Variants in GABRG3 observed in about 807,000 individuals in gnomAD.
GABRG3 encodes gamma-aminobutyric acid receptor subunit gamma-3.
A neutral mutation model predicts 48.8 loss-of-function variants in GABRG3; 25 were observed. The ratio of observed to expected loss-of-function variants is 0.51; its 90% CI spans 0.37 to 0.72. GABRG3 has a LOEUF of 0.72. Ranked by LOEUF, GABRG3 falls within the 30% of genes least tolerant of loss-of-function variation. GABRG3 has a pLI of 0.00. For missense variants in GABRG3, 394 were observed against 577.9 expected (o/e 0.68, Z 3.26); for synonymous variants, 227 against 217.6 (o/e 1.04, Z -0.38).
chr15:27,271,511 C>T (rs1891087522), intron 3 of GABRG3: 1 of 454,986 alleles, frequency 2.2e-6, no homozygotes, highest in African/African-American at 2.0e-5. Context: ...CCCCGGAGCC[C>T]CCAGGCCACG....
chr15:27,244,496 C>T (rs1323741486), intron 3 of GABRG3, among the ~76,000 whole-genome samples: 1 of 152,234 alleles, frequency 6.6e-6, no homozygotes. Context: ...TGGCTTCAAC[C>T]TAGATAGGTC....
chr15:27,050,884 A>C (rs1293780161), intron 3 of GABRG3, among the ~76,000 whole-genome samples: 1 of 152,198 alleles, frequency 6.6e-6, no homozygotes, highest in African/African-American at 2.4e-5. Flanking sequence ...TTATAATATG[A>C]TGTTTAATAT....
At chr15:27,039,132 G>A (rs1896230629) in intron 3 of GABRG3, among the ~76,000 whole-genome samples, 1 of 152,234 alleles carries the variant, frequency 6.6e-6, no homozygotes, top group Admixed American at 6.5e-5. Flanking sequence ...GAGACGCCAA[G>A]TCTGCGGGCA....
intron 3 of GABRG3, among the ~76,000 whole-genome samples, chr15:27,323,154 A>G (rs1893489696): frequency 6.6e-6 from 1 of 152,202 alleles, no homozygotes; most frequent in Non-Finnish European, 1.5e-5. Flanking sequence ...TACCCTGTGT[A>G]TAGACTAAAA....
chr15:27,355,019 A>T (rs565693340), intron 5 of GABRG3, among the ~76,000 whole-genome samples: 1 of 152,290 alleles, frequency 6.6e-6, no homozygotes, highest in South Asian at 2.1e-4. Flanking sequence ...GCCAATAATT[A>T]TGAGAGGGCA....
intron 3 of GABRG3, among the ~76,000 whole-genome samples, chr15:27,104,808 A>G (rs1897421864): frequency 6.6e-6 from 1 of 152,212 alleles, no homozygotes; most frequent in Non-Finnish European, 1.5e-5. Context: ...ATTTCTTTCC[A>G]CTGTTGTCTA....
At chr15:27,496,643 C>T (rs1449245552) in intron 6 of GABRG3, among the ~76,000 whole-genome samples, 2 of 152,096 alleles carry the variant, frequency 1.3e-5, no homozygotes, top group Admixed American at 6.5e-5. Context: ...TTTTATTTAA[C>T]TTAGTGGATA....
chr15:27,051,143 A>G lies in GABRG3; in HGVS notation c.270+24322A>G, dbSNP rs1283150365. Among the ~76,000 whole-genome samples, 5 of 152,316 alleles carry G rather than the reference A, an allele frequency of 3.3e-5. No individual in the cohort carries two copies. In the South Asian group the frequency reaches 6.2e-4, roughly 19 times the overall value. The stretch of plus-strand genomic sequence containing the variant: ...GTTTTTTACATTTGCCTTAAATTCT[A>G]TAGACTTTCATTCCAAAGGGAAAAA... On this transcript the variant is annotated intron_variant, in intron 3 of 9. Transcript: ENST00000615808.
chr15:27,084,225 T>C lies in GABRG3; in HGVS notation c.270+57404T>C, dbSNP rs111552348. Among the ~76,000 whole-genome samples the C allele has an allele frequency of 5.7e-3, 866 of 152,376 alleles. 16 individuals are homozygous for C. The highest frequency in any genetic ancestry group is 0.019 in the African/African-American group (805 of 41,592). On this transcript the variant is annotated intron_variant, in intron 3 of 9. Transcript: ENST00000615808. ...AATACCATCTTGTCCTTGAGCCTTT[T>C]GGGATTATCCCACGTGCCTCTGAAA...
chr15:27,223,208 A>G (rs1889505604), intron 3 of GABRG3, among the ~76,000 whole-genome samples: 1 of 152,186 alleles, frequency 6.6e-6, no homozygotes, highest in African/African-American at 2.4e-5. Flanking sequence ...TATTTTGTTT[A>G]TTGTGTCAAA....
At chr15:27,036,594 GCA>G in intron 3 of GABRG3, among the ~76,000 whole-genome samples, 1 of 152,144 alleles carries the variant, frequency 6.6e-6, no homozygotes, top group Non-Finnish European at 1.5e-5. Context: ...GGAGGCTGAG[GCA>G]GGAGAATCGC....
intron 3 of GABRG3, among the ~76,000 whole-genome samples, chr15:27,055,250 G>T (rs1009322552): frequency 6.6e-6 from 1 of 152,126 alleles, no homozygotes; most frequent in Admixed American, 6.5e-5. Flanking sequence ...AGCACGTCCC[G>T]GGCTTTCACC....
intron 5 of GABRG3, among the ~76,000 whole-genome samples, chr15:27,469,735 T>G (rs1889727592): frequency 6.6e-6 from 1 of 152,208 alleles, no homozygotes. Flanking sequence ...TAGGTTTGGC[T>G]GACTATATTC....
intron 3 of GABRG3, among the ~76,000 whole-genome samples, chr15:27,308,846 C>G (rs1417740762): frequency 6.7e-6 from 1 of 149,546 alleles, no homozygotes; most frequent in Non-Finnish European, 1.5e-5. Flanking sequence ...TATAAAAACA[C>G]AGAATGTAAA....
intron 3 of GABRG3, among the ~76,000 whole-genome samples, chr15:27,127,417 G>A (rs1345824785): frequency 3.0e-5 from 4 of 133,938 alleles, no homozygotes; most frequent in Admixed American, 8.3e-5. Context: ...GAGACAGAAA[G>A]TAGAATGGTG....
At chr15:27,502,600 G>A (rs1237994399) in intron 6 of GABRG3, among the ~76,000 whole-genome samples, 1 of 152,118 alleles carries the variant, frequency 6.6e-6, no homozygotes, top group Non-Finnish European at 1.5e-5. Context: ...TGAGGGCTCT[G>A]TCCTTAAAAC....
intron 3 of GABRG3, among the ~76,000 whole-genome samples, chr15:27,298,718 G>C (rs981870744): frequency 1.1e-4 from 17 of 151,294 alleles, no homozygotes; most frequent in African/African-American, 3.2e-4. Context: ...TTAAGTTCTG[G>C]GGTACATCTG....
In GABRG3 at chr15:27,335,724, G is replaced by A. The variant is rs1055373714; in HGVS notation, c.574+6836G>A. Among the ~76,000 whole-genome samples the A allele has an allele frequency of 2.6e-5, 4 of 152,106 alleles. No individual in the cohort carries two copies. The South Asian group carries it at 8.3e-4, about 32-fold the overall frequency. On this transcript the variant is annotated intron_variant, in intron 5 of 9. Transcript: ENST00000615808. Reference sequence around the variant, plus strand: ...GAGCTTCTGTGTGGGAGGATGAGCAGGTTCTGGAAATAGAGTGGCGATTGC... The same window carrying A: ...GAGCTTCTGTGTGGGAGGATGAGCAAGTTCTGGAAATAGAGTGGCGATTGC...
intron 3 of GABRG3, among the ~76,000 whole-genome samples, chr15:27,201,317 C>T (rs1174092691): frequency 6.6e-6 from 1 of 150,656 alleles, no homozygotes; most frequent in Non-Finnish European, 1.5e-5. Flanking sequence ...CAGAGCTCAA[C>T]ACCCGATGCC....
Sources: gnomAD v4.1 joint callset for allele counts (sites outside exome capture counted in the v4.1 genomes callset) on GRCh38, gnomAD v4.1.1 for gene constraint, MANE v1.5 for transcripts, NCBI Gene and HGNC (gene_info 2026-07-23, HGNC 2026-07-21) for gene names.